Variants in SDK1 observed in about 807,000 individuals in gnomAD.
SDK1 encodes the protein protein sidekick-1.
Under a neutral mutation model 245.5 loss-of-function variants are expected in SDK1, and 157 were observed. That is an observed-to-expected ratio of 0.64 (90% CI 0.56 to 0.73). The LOEUF is 0.73. SDK1 is among the 30% of genes least tolerant of loss of function. SDK1 has a pLI of 0.00. For synonymous variants in SDK1, 1,647 were observed against 1,278.5 expected, an observed-to-expected ratio of 1.29 and a Z score of -6.15; for missense variants, 3,583 against 3,002.3, an observed-to-expected ratio of 1.19 and a Z score of -4.52.
intron 22 of SDK1, among the ~76,000 whole-genome samples, chr7:4,099,868 G>C (rs1327965308): frequency 6.6e-6 from 1 of 152,024 alleles, no homozygotes; most frequent in Non-Finnish European, 1.5e-5. Context: ...AACCGTGGCT[G>C]CTGGTCACCG....
At chr7:3,854,165 A>G (rs1333416599) in intron 5 of SDK1, among the ~76,000 whole-genome samples, 1 of 152,104 alleles carries the variant, frequency 6.6e-6, no homozygotes, top group Non-Finnish European at 1.5e-5. Context: ...TTTCTTAGAA[A>G]ACTTTTAGGA....
intron 18 of SDK1, among the ~76,000 whole-genome samples, chr7:4,050,508 C>A (rs548558761): frequency 6.6e-6 from 1 of 152,318 alleles, no homozygotes; most frequent in African/African-American, 2.4e-5. Flanking sequence ...CGCTTTGCGT[C>A]CTGCAGCATG....
At chr7:3,314,762 A>G (rs759831529) in intron 1 of SDK1, among the ~76,000 whole-genome samples, 1 of 152,212 alleles carries the variant, frequency 6.6e-6, no homozygotes, top group East Asian at 1.9e-4. Flanking sequence ...TTAAAATATT[A>G]TAATCTAGTG....
At position 3,893,577 on chromosome 7, in the gene SDK1, G is replaced by C. The variant is rs571558600; in HGVS notation, c.848-57346G>C. ...CCTCACATTTCTCCAGCATTCTGTA[G>C]ATGTCAAGCTTTCTGCAATCCTCCC... On this transcript the variant is annotated intron_variant, in intron 5 of 44. Transcript: ENST00000404826. Among the ~76,000 whole-genome samples the C allele has an allele frequency of 5.3e-5, 8 of 151,984 alleles. No individual in the cohort carries two copies. The South Asian group carries it at 8.4e-4, about 16-fold the overall frequency.
intron 1 of SDK1, among the ~76,000 whole-genome samples, chr7:3,576,877 C>G (rs999206711): frequency 2.6e-5 from 4 of 152,074 alleles, no homozygotes; most frequent in African/African-American, 9.7e-5. Context: ...TTTGCCGGGA[C>G]TGCTTAAACC....
intron 4 of SDK1, among the ~76,000 whole-genome samples, chr7:3,645,167 T>C (rs570867311): frequency 2.0e-5 from 3 of 152,212 alleles, no homozygotes; most frequent in Non-Finnish European, 4.4e-5. Flanking sequence ...AACTTGCAAA[T>C]ACATGCTAAA....
chr7:3,583,982 G>C (rs1030336317), intron 1 of SDK1, among the ~76,000 whole-genome samples: 1 of 152,156 alleles, frequency 6.6e-6, no homozygotes, highest in Non-Finnish European at 1.5e-5. Flanking sequence ...TTTGGGGTCA[G>C]ACTCCACCCC....
intron 5 of SDK1, among the ~76,000 whole-genome samples, chr7:3,875,122 A>G (rs28633761): frequency 0.22 from 33,670 of 152,070 alleles, 3,910 homozygotes; most frequent in Middle Eastern, 0.32. Flanking sequence ...AGTGAGTTCA[A>G]GGTGTCTGTC....
intron 4 of SDK1, among the ~76,000 whole-genome samples, chr7:3,691,981 CT>C (rs1174276489): frequency 1.3e-5 from 2 of 152,050 alleles, no homozygotes; most frequent in Non-Finnish European, 2.9e-5. Context: ...GTCTGTCCCC[CT>C]TTATTTTTGC....
intron 22 of SDK1, among the ~76,000 whole-genome samples, chr7:4,088,286 T>G (rs976432311): frequency 2.2e-4 from 34 of 152,250 alleles, no homozygotes; most frequent in Admixed American, 2.1e-3. Flanking sequence ...TGTTTCTTCC[T>G]TTGAATTTTT....
chr7:3,323,375 A>G (rs1313674626), intron 1 of SDK1, among the ~76,000 whole-genome samples: 1 of 152,198 alleles, frequency 6.6e-6, no homozygotes. Context: ...TGCCGATTGA[A>G]TTTCCAGAGC....
chr7:3,470,300 A>G (rs892695249), intron 1 of SDK1, among the ~76,000 whole-genome samples: 2 of 152,212 alleles, frequency 1.3e-5, no homozygotes, highest in African/African-American at 2.4e-5. Context: ...CAAACCTAAC[A>G]GATAGGTATA....
chr7:3,354,682 A>G (rs1780746461), intron 1 of SDK1, among the ~76,000 whole-genome samples: 2 of 152,210 alleles, frequency 1.3e-5, no homozygotes, highest in African/African-American at 4.8e-5. Flanking sequence ...ATTAATATTG[A>G]CTTTATAGGT....
chr7:3,789,446 C>T (rs147706962), intron 4 of SDK1, among the ~76,000 whole-genome samples: 6 of 152,324 alleles, frequency 3.9e-5, no homozygotes, highest in Non-Finnish European at 8.8e-5. Flanking sequence ...CTCTGCCCAG[C>T]CTGTAACTGC....
chr7:3,839,219 C>T (rs531860322), intron 5 of SDK1, among the ~76,000 whole-genome samples: 215 of 152,316 alleles, frequency 1.4e-3, no homozygotes, highest in African/African-American at 4.8e-3. Flanking sequence ...CCAGCAAACC[C>T]TCCTCTTCCT....
intron 4 of SDK1, among the ~76,000 whole-genome samples, chr7:3,790,782 G>A (rs1169027485): frequency 2.0e-5 from 3 of 152,184 alleles, no homozygotes; most frequent in Non-Finnish European, 4.4e-5. Context: ...TGGGAAACAA[G>A]AGCGAAACTG....
chr7:3,805,014 A>G (rs1218990780), intron 4 of SDK1, among the ~76,000 whole-genome samples: 1 of 152,236 alleles, frequency 6.6e-6, no homozygotes. Context: ...CTAAGAGAGT[A>G]GATTTTAAAT....
intron 32 of SDK1, among the ~76,000 whole-genome samples, chr7:4,169,923 A>G (rs1010551336): frequency 1.3e-4 from 19 of 151,598 alleles, no homozygotes; most frequent in Non-Finnish European, 2.8e-4. Context: ...CAGAATGACC[A>G]TGGAAAGCAA....
intron 1 of SDK1, among the ~76,000 whole-genome samples, chr7:3,346,470 T>A (rs560012788): frequency 6.6e-6 from 1 of 152,278 alleles, no homozygotes; most frequent in East Asian, 1.9e-4. Context: ...TGTGCTGTGC[T>A]TTCTGGTGCC....
Sources: allele counts gnomAD v4.1 joint callset (sites outside exome capture counted in the v4.1 genomes callset), GRCh38; gene constraint gnomAD v4.1.1; transcripts MANE v1.5; gene names NCBI Gene and HGNC (gene_info 2026-07-23, HGNC 2026-07-21).